DRICH1: variants seen among roughly 807,000 people sequenced by gnomAD.
The protein encoded by DRICH1 is aspartate-rich protein 1.
A neutral mutation model predicts 39.5 loss-of-function variants in DRICH1; 38 were observed. The observed-to-expected ratio is 0.96, with a 90% CI of 0.74 to 1.26. The LOEUF is 1.26. Among genes scored for constraint, DRICH1 ranks in the 50% most tolerant of loss-of-function variants. The probability of loss-of-function intolerance (pLI) is 0.00; values close to 1 mark genes in which losing one functional copy is unlikely to be tolerated. For synonymous variants in DRICH1, 84 were observed against 99.5 expected (o/e 0.84, Z 0.93); for missense variants, 279 against 270.4 (o/e 1.03, Z -0.22).
Position 23,617,441 on chromosome 22 carries a change from C to T in DRICH1, c.519+134G>A, listed in dbSNP as rs1235719823. 5.9e-6 allele frequency: 6 copies of T among 1,015,266 alleles called. No homozygotes were observed. In the East Asian group the frequency reaches 7.1e-5, roughly 12 times the overall value. The allele number at this position is 1,015,266 out of a possible 1,614,324, so 62.9% of individuals were successfully genotyped here. ...GGATTGGCAATGCCTGCTTGTTGGG[C>T]CCCCTCTCCTGGGAAATCTCACTTT... On this transcript the variant is annotated intron_variant, in intron 7 of 11. Coordinates refer to ENST00000317749, the MANE Select transcript of DRICH1 (RefSeq NM_016449.4).
intron 3 of DRICH1, among the ~76,000 whole-genome samples, chr22:23,622,377 T>C (rs1480045600): frequency 6.6e-6 from 1 of 152,194 alleles, no homozygotes; most frequent in Non-Finnish European, 1.5e-5. Context: ...CTTGGCCTTG[T>C]ACTAGAGGCA....
intron 3 of DRICH1, among the ~76,000 whole-genome samples, chr22:23,622,701 G>A (rs906849119): frequency 1.2e-5 from 1 of 86,666 alleles, no homozygotes; most frequent in Non-Finnish European, 2.6e-5. Context: ...ATATGAAAAT[G>A]CTACAATTAA....
At chr22:23,602,675 C>G in the DRICH1 span, among the ~76,000 whole-genome samples, 1 of 150,874 alleles carries the variant, frequency 6.6e-6, no homozygotes, top group Non-Finnish European at 1.5e-5. Context: ...CAGAGTGAGA[C>G]TGTGTCTCTA....
At chr22:23,585,579 G>A in the DRICH1 span, among the ~76,000 whole-genome samples, 1 of 152,034 alleles carries the variant, frequency 6.6e-6, no homozygotes, top group Non-Finnish European at 1.5e-5. Context: ...GTGCAGTAGT[G>A]TAATCATGGC....
intron 8 of DRICH1, among the ~76,000 whole-genome samples, chr22:23,615,589 A>AG (rs1927309053): frequency 6.6e-6 from 1 of 152,260 alleles, no homozygotes; most frequent in South Asian, 2.1e-4. Flanking sequence ...TACTACACAG[A>AG]TGATCTACAG....
downstream of DRICH1, among the ~76,000 whole-genome samples, chr22:23,606,006 G>A (rs936987521): frequency 5.4e-5 from 8 of 149,016 alleles, no homozygotes; most frequent in Admixed American, 2.7e-4. Context: ...CCTGGGAGGC[G>A]AAGGTTACAG....
downstream of DRICH1, among the ~76,000 whole-genome samples, chr22:23,607,474 G>A (rs1926794123): frequency 6.6e-6 from 1 of 151,832 alleles, no homozygotes; most frequent in African/African-American, 2.4e-5. Context: ...TTGTGAGGAT[G>A]GGCCAGTCAC....
chr22:23,612,332 T>C (rs1036276121), intron 11 of DRICH1, among the ~76,000 whole-genome samples: 1 of 151,812 alleles, frequency 6.6e-6, no homozygotes, highest in Non-Finnish European at 1.5e-5. Flanking sequence ...CCAGGCATGG[T>C]GGTGGACACC....
downstream of DRICH1, among the ~76,000 whole-genome samples, chr22:23,604,752 G>C (rs546061023): frequency 6.6e-6 from 1 of 152,328 alleles, no homozygotes; most frequent in Admixed American, 6.5e-5. Flanking sequence ...AGGCTGCAGA[G>C]GTGCACATGT....
At chr22:23,613,218 G>T in intron 11 of DRICH1, 71 bp downstream of exon 11, 2 of 1,151,416 alleles carry the variant, frequency 1.7e-6, no homozygotes, top group Non-Finnish European at 2.6e-6. Context: ...CTCCTCACAA[G>T]CAACAGGGAT....
chr22:23,616,870 A>G lies in DRICH1; in HGVS notation c.524T>C (p.Leu175Ser). ...CDDDDDDAQI[L>S]PSPVQACSED... ...GTACATACCCTGGACAGGTGACGGT[A>G]AAATCTGCAATGAGATAAAAGAAGA... Residue 175 changes from leucine (L) to serine (S), a missense_variant, in exon 8 of 12, where the codon TTA becomes TCA. Coordinates refer to ENST00000317749, the MANE Select transcript of DRICH1 (RefSeq NM_016449.4). 6.2e-7 allele frequency: 1 copy of G among 1,614,104 alleles called. No homozygotes were observed.
intron 9 of DRICH1, 95 bp downstream of exon 9, chr22:23,614,040 T>C: frequency 2.4e-6 from 2 of 837,696 alleles, no homozygotes; most frequent in Non-Finnish European, 4.0e-6. Flanking sequence ...GTGTACATAA[T>C]GTGCATTGCC....
upstream of DRICH1, chr22:23,632,350 T>C (rs1921010956): frequency 2.8e-6 from 1 of 354,502 alleles, no homozygotes; most frequent in Non-Finnish European, 5.3e-6. Context: ...CTGATGCTTA[T>C]AACCCACAAA....
intron 8 of DRICH1, among the ~76,000 whole-genome samples, chr22:23,615,440 A>T (rs533832665): frequency 6.6e-6 from 1 of 152,328 alleles, no homozygotes; most frequent in East Asian, 1.9e-4. Context: ...TGGTATAAGA[A>T]ACCAAAAATT....
chr22:23,598,940 A>G, the DRICH1 span, among the ~76,000 whole-genome samples: 42 of 151,910 alleles, frequency 2.8e-4, no homozygotes, highest in African/African-American at 9.9e-4. Context: ...AAGTCAGGAC[A>G]CCCCTGAGCT....
rs560513258 is a variant in DRICH1 at position 23,629,622 on chromosome 22, C to A, written c.208+2194G>T. 9.2e-5 allele frequency among the ~76,000 whole-genome samples: 14 copies of A among 151,908 alleles called. No individual in the cohort carries two copies. In the East Asian group the frequency reaches 1.4e-3, roughly 15 times the overall value. On this transcript the variant is annotated intron_variant, in intron 1 of 11. Transcript: ENST00000317749. Reference sequence around the variant, plus strand: ...TTGCAGCATTTCTTTTTATTTATTTCTTTATGTTTTTGAGACAGAGTCTCA... The same window carrying A: ...TTGCAGCATTTCTTTTTATTTATTTATTTATGTTTTTGAGACAGAGTCTCA...
At position 23,617,638 on chromosome 22, in the gene DRICH1, C is replaced by A. The variant is rs1927442188; in HGVS notation, c.456G>T (p.Leu152=). 1 of 1,614,060 alleles carries A rather than the reference C, an allele frequency of 6.2e-7. No homozygotes were observed. The highest frequency in any genetic ancestry group is 1.3e-5 in the African/African-American group (1 of 74,928). Residue 152 remains leucine, a synonymous_variant, in exon 7 of 12, where the codon CTG becomes CTT. Coordinates refer to ENST00000317749, the MANE Select transcript of DRICH1 (RefSeq NM_016449.4). The part of the protein sequence containing the change: ...DSSSCSSEDN[L]SLVCLPRSED... Reference sequence around the variant, plus strand: ...CACTTCGTGGTAGGCATACTAAACTCAGGTTGTCCTCAGAAGAACCTGGAA... The same window carrying A: ...CACTTCGTGGTAGGCATACTAAACTAAGGTTGTCCTCAGAAGAACCTGGAA...
At chr22:23,591,556 G>A in the DRICH1 span, among the ~76,000 whole-genome samples, 13 of 152,136 alleles carry the variant, frequency 8.5e-5, no homozygotes, top group African/African-American at 3.1e-4. Flanking sequence ...CTTCTATGAA[G>A]TGAGCTTCCC....
chr22:23,613,450 T>A, intron 10 of DRICH1, 120 bp from the exon 11 acceptor site: 3 of 962,424 alleles, frequency 3.1e-6, no homozygotes, highest in Non-Finnish European at 5.0e-6. Flanking sequence ...GCTTCATACA[T>A]GATCCCCTAA....
Sources: allele counts gnomAD v4.1 joint callset (sites outside exome capture counted in the v4.1 genomes callset), GRCh38; gene constraint gnomAD v4.1.1; transcripts MANE v1.5; gene names NCBI Gene and HGNC (gene_info 2026-07-23, HGNC 2026-07-21).